Variants in GRIP2 observed in about 807,000 individuals in gnomAD.
GRIP2 encodes glutamate receptor interacting protein 2.
A neutral mutation model predicts 108.3 loss-of-function variants in GRIP2; 58 were observed. The observed-to-expected ratio is 0.54, with a 90% CI of 0.43 to 0.67. The LOEUF (loss-of-function observed/expected upper bound fraction) is 0.67. Among genes scored for constraint, GRIP2 ranks in the 30% least tolerant of loss-of-function variants. The probability of loss-of-function intolerance (pLI) is 0.00; values close to 1 mark genes in which losing one functional copy is unlikely to be tolerated. For missense variants in GRIP2, 1,278 were observed against 1,430.6 expected, an observed-to-expected ratio of 0.89 and a Z score of 1.72; for synonymous variants, 586 against 598.2, an observed-to-expected ratio of 0.98 and a Z score of 0.30.
chr3:14,523,194 T>C (rs1694460879), intron 5 of GRIP2, 119 bp from the exon 6 acceptor site: 5 of 737,238 alleles, frequency 6.8e-6, no homozygotes, highest in Admixed American at 2.6e-5. Flanking sequence ...TTGTCCTTGC[T>C]ATCCATGGAC....
At chr3:14,584,194 C>G in the GRIP2 span, among the ~76,000 whole-genome samples, 1 of 152,220 alleles carries the variant, frequency 6.6e-6, no homozygotes, top group African/African-American at 2.4e-5. Context: ...GAGAGAAAGG[C>G]TGGACCAGGA....
chr3:14,541,990 G>C, upstream of GRIP2: 1 of 1,352,840 alleles, frequency 7.4e-7, no homozygotes, highest in East Asian at 4.7e-5. Flanking sequence ...CACGCGGGAA[G>C]GAATGCATGT....
Position 14,520,511 on chromosome 3 carries a change from A to C in GRIP2, c.739T>G (p.Leu247Val), listed in dbSNP as rs756803115. The C allele has an allele frequency of 1.9e-6, 3 of 1,613,844 alleles. No individual in the cohort carries two copies. The highest frequency in any genetic ancestry group is 2.5e-6 in the Non-Finnish European group (3 of 1,179,896). ...PDTVANASGP[L>V]MVEIVKTPGS... ...GGCGTCTTGACTATTTCCACCATCAAGGGTCCCGAAGCATTAGCCACCGTG... is the reference window on the plus strand; with the variant it reads ...GGCGTCTTGACTATTTCCACCATCACGGGTCCCGAAGCATTAGCCACCGTG... Residue 247 changes from leucine to valine, a missense_variant, in exon 8 of 24, where the codon TTG (leucine) becomes GTG (valine). Transcript: ENST00000621039.
At chr3:14,602,422 G>A in the GRIP2 span, among the ~76,000 whole-genome samples, 1 of 152,148 alleles carries the variant, frequency 6.6e-6, no homozygotes, top group East Asian at 1.9e-4. This position sits in a 1 kb window ranked among gnomAD's most constrained non-coding sequence, Gnocchi z 4.7. Context: ...GGGTGGCGCC[G>A]GGCGTTCAAA....
rs1701317684 is a variant in GRIP2 at position 14,490,743 on chromosome 3, G to A, written c.*2922C>T. On this transcript the variant is annotated 3_prime_UTR_variant, in exon 24 of 24. Coordinates refer to ENST00000621039, the MANE Select transcript of GRIP2 (RefSeq NM_001080423.4). The stretch of plus-strand genomic sequence containing the variant: ...CCGTCAAACTCGTTCCTATCTCAGG[G>A]CCTTTGCACTAGCTGTGCCCGCTGC... 1 of 152,212 alleles carries A rather than the reference G, an allele frequency of 6.6e-6. No individual in the cohort carries two copies. Among genetic ancestry groups the A allele is most frequent in the South Asian group, 2.1e-4 (1 of 4,824 alleles). The allele number at this position is 152,212 out of a possible 1,614,324, so 9.4% of individuals were successfully genotyped here. A position where few individuals can be genotyped will look rare whatever the true frequency, so the allele number is the denominator to read the frequency against.
At chr3:14,526,161 T>A (rs1694549336) in intron 1 of GRIP2, among the ~76,000 whole-genome samples, 2 of 152,176 alleles carry the variant, frequency 1.3e-5, no homozygotes, top group African/African-American at 4.8e-5. Flanking sequence ...CTACACTACA[T>A]ATTGGGAGCT....
chr3:14,526,056 G>T, intron 1 of GRIP2, 125 bp from the exon 2 acceptor site: 2 of 757,866 alleles, frequency 2.6e-6, no homozygotes, highest in South Asian at 1.5e-5. Flanking sequence ...CCTGCCACCA[G>T]CTCCACCCGA....
At chr3:14,586,318 G>C in the GRIP2 span, among the ~76,000 whole-genome samples, 2 of 152,214 alleles carry the variant, frequency 1.3e-5, no homozygotes, top group Non-Finnish European at 2.9e-5. Context: ...TGCTCCACAA[G>C]AATAAAGACT....
At chr3:14,591,432 T>C in the GRIP2 span, among the ~76,000 whole-genome samples, 4 of 152,114 alleles carry the variant, frequency 2.6e-5, no homozygotes, top group Admixed American at 1.3e-4. Flanking sequence ...CTTTGGGCAA[T>C]TGACTTAACC....
At chr3:14,499,039 G>A (rs1344456002) in intron 21 of GRIP2, among the ~76,000 whole-genome samples, 1 of 152,212 alleles carries the variant, frequency 6.6e-6, no homozygotes, top group Non-Finnish European at 1.5e-5. Flanking sequence ...GAAAATGTCT[G>A]CCCACAGGGG....
Position 14,511,047 on chromosome 3 carries a change from T to G in GRIP2, c.1933+118A>C. 1 of 1,241,380 alleles carries G rather than the reference T, an allele frequency of 8.1e-7. No individual in the cohort carries two copies. The highest frequency in any genetic ancestry group is 1.5e-5 in the African/African-American group (1 of 66,676). 76.9% of individuals were successfully genotyped at this position (1,241,380 alleles called of 1,614,324 possible). A position where few individuals can be genotyped will look rare whatever the true frequency, so the allele number is the denominator to read the frequency against. ...CTTCATTTGTTCATTCCAGCCAGCC[T>G]TCAGCAGCGCCCACCACCCTCCCTT... On this transcript the variant is annotated intron_variant, in intron 16 of 23. Transcript: ENST00000621039. The surrounding 1 kb of genome is among the most constrained non-coding windows in gnomAD (Gnocchi z 4.1).
intron 20 of GRIP2, among the ~76,000 whole-genome samples, chr3:14,504,957 G>C (rs1363703712): frequency 1.3e-5 from 2 of 152,216 alleles, no homozygotes; most frequent in African/African-American, 2.4e-5. Context: ...AGGCTACCAG[G>C]AGACTTGTAG....
rs1372483104 is a variant in GRIP2 at position 14,507,193 on chromosome 3, C to T, written c.2219-213G>A. 2.6e-5 allele frequency among the ~76,000 whole-genome samples: 4 copies of T among 152,202 alleles called. No homozygotes were observed. The highest frequency in any genetic ancestry group is 5.9e-5 in the Non-Finnish European group (4 of 68,032). On this transcript the variant is annotated intron_variant, in intron 18 of 23. Coordinates refer to ENST00000621039, the MANE Select transcript of GRIP2 (RefSeq NM_001080423.4). This position sits in a 1 kb window ranked among gnomAD's most constrained non-coding sequence, Gnocchi z 4.6. ...CATGCCCGAGATCACACAGTGAGCA[C>T]CAGTGGAGCCAGGATTAGCTCAGGC...
the GRIP2 span, chr3:14,573,229 G>T: frequency 7.1e-7 from 1 of 1,404,094 alleles, no homozygotes; most frequent in Non-Finnish European, 1.0e-6. Context: ...TCCATGAAGA[G>T]GCAGGCCAGG....
At chr3:14,527,391 A>AGGAAAG (rs72297166) in intron 1 of GRIP2, among the ~76,000 whole-genome samples, 5 of 140,738 alleles carry the variant, frequency 3.6e-5, no homozygotes, top group East Asian at 2.2e-4. Context: ...AGGAAAGGAA[A>AGGAAAG]GAAAGGAAAG....
Position 14,520,454 on chromosome 3 carries a change from T to C in GRIP2, c.796A>G (p.Thr266Ala). 6.2e-7 allele frequency: 1 copy of C among 1,613,442 alleles called. No homozygotes were observed. Among genetic ancestry groups the C allele is most frequent in the Non-Finnish European group, 8.5e-7 (1 of 1,179,738 alleles). ...ATGACTGACTTGTTCCGGAGGGAGG[T>C]GGTGGTGAGCGAGATCCCCAGGGCA... The part of the protein sequence containing the change: ...GSALGISLTT[T>A]SLRNKSVITI... Residue 266 changes from threonine (T) to alanine (A), a missense_variant, in exon 8 of 24, where the codon ACC (threonine) becomes GCC (alanine). Physicochemically the swap from Thr to Ala is moderately conservative, Grantham distance 58 (BLOSUM62 0). Transcript: ENST00000621039.
chr3:14,583,428 TG>T, the GRIP2 span, among the ~76,000 whole-genome samples: 33 of 152,154 alleles, frequency 2.2e-4, no homozygotes, highest in African/African-American at 8.0e-4. Flanking sequence ...GCAACCTTGA[TG>T]GGGGCCCACC....
intron 1 of GRIP2, among the ~76,000 whole-genome samples, chr3:14,535,126 G>A (rs1261129726): frequency 6.8e-6 from 1 of 146,426 alleles, no homozygotes; most frequent in African/African-American, 2.7e-5. Flanking sequence ...CAGCTCACCG[G>A]GACCCTGGGT....
chr3:14,501,218 T>C, intron 21 of GRIP2, among the ~76,000 whole-genome samples: 1 of 152,140 alleles, frequency 6.6e-6, no homozygotes, highest in Admixed American at 6.6e-5. Context: ...GTGGGAGGAA[T>C]TGGAAGGTAC....
Sources: gnomAD v4.1 joint callset for allele counts (sites outside exome capture counted in the v4.1 genomes callset) on GRCh38, gnomAD v4.1.1 for gene constraint, Gnocchi (gnomAD v3.1) non-coding constraint, MANE v1.5 for transcripts, NCBI Gene and HGNC (gene_info 2026-07-23, HGNC 2026-07-21) for gene names.